DOCK4: variants seen among roughly 807,000 people sequenced by gnomAD.
DOCK4 encodes dedicator of cytokinesis protein 4.
Under a neutral mutation model 268.1 loss-of-function variants are expected in DOCK4, and 97 were observed. The ratio of observed to expected loss-of-function variants is 0.36; its 90% confidence interval spans 0.31 to 0.43. The LOEUF (loss-of-function observed/expected upper bound fraction) is 0.43. Among genes scored for constraint, DOCK4 ranks in the 20% least tolerant of loss-of-function variants. DOCK4 has a pLI of 1.00. For synonymous variants in DOCK4, 954 were observed against 887.2 expected (o/e 1.08, Z -1.34); for missense variants, 2,145 against 2,455.7 (o/e 0.87, Z 2.67).
intron 8 of DOCK4, chr7:111,971,736 C>T: frequency 3.1e-6 from 1 of 320,560 alleles, no homozygotes. Flanking sequence ...AGCTGAGTAG[C>T]TGTTTGGTGG....
chr7:112,081,404 C>T (rs948910110), intron 1 of DOCK4, among the ~76,000 whole-genome samples: 1 of 152,102 alleles, frequency 6.6e-6, no homozygotes, highest in Admixed American at 6.6e-5. Flanking sequence ...ATCAGGGTGG[C>T]TTTCATCCCA....
intron 30 of DOCK4, among the ~76,000 whole-genome samples, chr7:111,797,787 T>C (rs1014720756): frequency 2.6e-5 from 4 of 152,204 alleles, no homozygotes; most frequent in Non-Finnish European, 5.9e-5. Flanking sequence ...AAGAATCCTG[T>C]AGCCTTTATG....
rs757616053 is a variant in DOCK4 at position 111,915,732 on chromosome 7, A to G, written c.1192+47T>C. 3.8e-6 allele frequency: 6 copies of G among 1,591,914 alleles called. No homozygotes were observed. The South Asian group carries it at 5.8e-5, about 15-fold the overall frequency. On this transcript the variant is annotated intron_variant, in intron 13 of 52. Coordinates refer to ENST00000428084, the MANE Select transcript of DOCK4 (RefSeq NM_001363540.2). ...AAAATTTCTCAAACATCAAAAACAG[A>G]TAGTATACCCATATTTCATCATATC...
chr7:112,087,585 A>G (rs1196729953), intron 1 of DOCK4, among the ~76,000 whole-genome samples: 1 of 152,158 alleles, frequency 6.6e-6, no homozygotes, highest in South Asian at 2.1e-4. Context: ...ATGTCTAGGA[A>G]AAAAATGAGA....
chr7:112,091,024 A>C (rs1809576217), intron 1 of DOCK4, among the ~76,000 whole-genome samples: 1 of 152,166 alleles, frequency 6.6e-6, no homozygotes, highest in Non-Finnish European at 1.5e-5. Flanking sequence ...ACGAATCATC[A>C]GTGGTGGCAC....
Position 112,063,944 on chromosome 7 carries a change from C to T in DOCK4, c.38-59813G>A, listed in dbSNP as rs368916760. ...TTCTTTTTTAAAGGGAAGGGGCTATCTTTGAGACCTCTCCATATTGTGTGT... is the reference window on the plus strand; with the variant it reads ...TTCTTTTTTAAAGGGAAGGGGCTATTTTTGAGACCTCTCCATATTGTGTGT... On this transcript the variant is annotated intron_variant, in intron 1 of 52. Transcript: ENST00000428084. Among the ~76,000 whole-genome samples, 18 of 152,138 alleles carry T rather than the reference C, an allele frequency of 1.2e-4. 1 individual carries two copies. Among genetic ancestry groups the T allele is most frequent in the African/African-American group, 3.9e-4 (16 of 41,436 alleles).
chr7:111,749,482 C>T (rs1796491306), intron 42 of DOCK4, among the ~76,000 whole-genome samples: 1 of 151,972 alleles, frequency 6.6e-6, no homozygotes, highest in Non-Finnish European at 1.5e-5. Context: ...AAAATGGTTA[C>T]AATAGTAGGT....
rs548099075 is a variant in DOCK4 at position 112,076,983 on chromosome 7, G to T, written c.38-72852C>A. On this transcript the variant is annotated intron_variant, in intron 1 of 52. Transcript: ENST00000428084. ...AGACTTGTTACATATAAATGGCAAGGTGTATATAGTAAGTAGAGTACTTAG... is the reference window on the plus strand; with the variant it reads ...AGACTTGTTACATATAAATGGCAAGTTGTATATAGTAAGTAGAGTACTTAG... Among the ~76,000 whole-genome samples, 25 of 152,170 alleles carry T rather than the reference G, an allele frequency of 1.6e-4. 1 individual carries two copies. The highest frequency in any genetic ancestry group is 5.3e-4 in the African/African-American group (22 of 41,526).
chr7:112,105,663 G>A (rs554794707), intron 1 of DOCK4, among the ~76,000 whole-genome samples: 16 of 133,646 alleles, frequency 1.2e-4, no homozygotes, highest in East Asian at 8.3e-4. Context: ...CTCCTTCCTC[G>A]TCATTCCACT....
intron 1 of DOCK4, among the ~76,000 whole-genome samples, chr7:112,183,909 C>T (rs920205319): frequency 1.3e-5 from 2 of 152,158 alleles, no homozygotes; most frequent in African/African-American, 4.8e-5. Context: ...TTTCTTTCAC[C>T]TAGTTAATTC....
At chr7:111,757,760 T>C (rs1338618909) in intron 41 of DOCK4, among the ~76,000 whole-genome samples, 2 of 152,202 alleles carry the variant, frequency 1.3e-5, no homozygotes, top group Admixed American at 1.3e-4. Context: ...TGAGTTAACA[T>C]GAGACAATCG....
At chr7:112,014,774 G>A (rs1436722317) in intron 1 of DOCK4, among the ~76,000 whole-genome samples, 2 of 152,134 alleles carry the variant, frequency 1.3e-5, no homozygotes, top group Non-Finnish European at 2.9e-5. Context: ...GCGTGGTGGT[G>A]TGTGCCTGTG....
intron 1 of DOCK4, among the ~76,000 whole-genome samples, chr7:112,190,016 C>T (rs1258764097): frequency 6.6e-6 from 1 of 152,140 alleles, no homozygotes; most frequent in Non-Finnish European, 1.5e-5. Flanking sequence ...ACTTGTTTTC[C>T]TCTGTGGATG....
At position 111,728,661 on chromosome 7, in the gene DOCK4, G is replaced by GGA; in HGVS notation, c.5539_5540dup (p.Asn1848ProfsTer32). On this transcript the variant is annotated frameshift_variant, in exon 53 of 53. Coordinates refer to ENST00000428084, the MANE Select transcript of DOCK4 (RefSeq NM_001363540.2). LOFTEE classifies it high-confidence loss of function. The stretch of plus-strand genomic sequence containing the variant: ...AGCTGCCCGACAAGACAGGGGAGTT[G>GGA]GAGATGAGTCCTGGCGAGTGGTACT... 1 of 1,614,016 alleles carries GGA rather than the reference G, an allele frequency of 6.2e-7. No homozygotes were observed. The highest frequency in any genetic ancestry group is 8.5e-7 in the Non-Finnish European group (1 of 1,179,896).
chr7:112,141,287 A>C (rs954514005), intron 1 of DOCK4, among the ~76,000 whole-genome samples: 2 of 152,188 alleles, frequency 1.3e-5, no homozygotes, highest in Non-Finnish European at 2.9e-5. Flanking sequence ...CAGTTACCAG[A>C]AGACCACTCA....
At chr7:111,971,435 G>T in intron 8 of DOCK4, 1 of 231,718 alleles carries the variant, frequency 4.3e-6, no homozygotes, top group South Asian at 6.2e-5. Flanking sequence ...GTCTTCCTGT[G>T]GACTAGACAT....
At position 111,782,882 on chromosome 7, in the gene DOCK4, G is replaced by A. The variant is rs1198696045; in HGVS notation, c.3567C>T (p.Gly1189=). ...TACTAACCAGAAGGCTAACTGTGCA[G>A]CCAATCTTTTTGCCATCTACCTCTC... ...KMGEVDGKKI[G]CTVSLLNFYK... is the part of the protein sequence containing the mutation. Residue 1189 remains glycine (G), a synonymous_variant, in exon 35 of 53, where the codon GGC becomes GGT. Transcript: ENST00000428084. 3 of 1,613,522 alleles carry A rather than the reference G, an allele frequency of 1.9e-6. No individual in the cohort carries two copies. The highest frequency in any genetic ancestry group is 2.5e-6 in the Non-Finnish European group (3 of 1,179,752).
chr7:112,110,911 C>T (rs1264798074), intron 1 of DOCK4, among the ~76,000 whole-genome samples: 2 of 152,200 alleles, frequency 1.3e-5, no homozygotes, highest in Non-Finnish European at 2.9e-5. Flanking sequence ...TCCCTGCCAG[C>T]GTCTTCCCCA....
chr7:111,928,452 T>TA (rs971047926), intron 12 of DOCK4, among the ~76,000 whole-genome samples: 9 of 152,188 alleles, frequency 5.9e-5, no homozygotes, highest in Admixed American at 6.5e-5. Flanking sequence ...GCATGAACTT[T>TA]AAAAAATATC....
Sources: allele counts gnomAD v4.1 joint callset (sites outside exome capture counted in the v4.1 genomes callset), GRCh38; gene constraint gnomAD v4.1.1; transcripts MANE v1.5; gene names NCBI Gene and HGNC (gene_info 2026-07-23, HGNC 2026-07-21).